EPB41L3: variants seen among roughly 807,000 people sequenced by gnomAD.
The protein encoded by EPB41L3 is band 4.1-like protein 3.
In EPB41L3, 57 loss-of-function variants were observed where a neutral mutation model predicts 127.1. The observed-to-expected ratio is 0.45, with a 90% CI of 0.36 to 0.56. The LOEUF is 0.56. Among genes scored for constraint, EPB41L3 ranks in the 20% least tolerant of loss-of-function variants. The probability of loss-of-function intolerance (pLI) is 0.00; values close to 1 mark genes in which losing one functional copy is unlikely to be tolerated. For missense variants in EPB41L3, 1,273 were observed against 1,372.2 expected, an observed-to-expected ratio of 0.93 and a Z score of 1.14; for synonymous variants, 572 against 549.5, an observed-to-expected ratio of 1.04 and a Z score of -0.57.
intron 3 of EPB41L3, among the ~76,000 whole-genome samples, chr18:5,559,659 A>C (rs2094095244): frequency 6.6e-6 from 1 of 152,228 alleles, no homozygotes; most frequent in South Asian, 2.1e-4. Flanking sequence ...GATGTTTTTT[A>C]TAAACTCATG....
chr18:5,554,949 G>A (rs909483948), intron 3 of EPB41L3, among the ~76,000 whole-genome samples: 6 of 152,154 alleles, frequency 3.9e-5, no homozygotes, highest in Admixed American at 6.5e-5. Context: ...ATACTTTTAC[G>A]GGGCTGTTGG....
At chr18:5,436,166 C>T (rs1192448627) in intron 6 of EPB41L3, among the ~76,000 whole-genome samples, 2 of 152,098 alleles carry the variant, frequency 1.3e-5, no homozygotes, top group African/African-American at 2.4e-5. Flanking sequence ...ATCCCAAGCA[C>T]AGCCTAGTAT....
rs532461876 is a variant in EPB41L3, at chr18:5,496,684, G to A, written c.-11-7490C>T. ...TAAGATTTCGTTTTGCTATTTTAAA[G>A]GAAAGTGTACATTCAGCAGTGACAT... On this transcript the variant is annotated intron_variant, in intron 1 of 22. Coordinates refer to ENST00000341928, the MANE Select transcript of EPB41L3 (RefSeq NM_012307.5). 9.8e-5 allele frequency among the ~76,000 whole-genome samples: 15 copies of A among 152,346 alleles called. No homozygotes were observed. The East Asian group carries it at 2.7e-3, about 27-fold the overall frequency.
At chr18:5,402,254 A>C (rs116150009) in intron 16 of EPB41L3, among the ~76,000 whole-genome samples, 2,947 of 150,686 alleles carry the variant, frequency 0.02, 99 homozygotes, top group African/African-American at 0.067. Context: ...TACCATGTGG[A>C]ATCATTAAAT....
chr18:5,615,375 A>T (rs892836228), intron 1 of EPB41L3, among the ~76,000 whole-genome samples: 10 of 151,894 alleles, frequency 6.6e-5, no homozygotes, highest in Non-Finnish European at 1.2e-4. Context: ...CTTTATTTTA[A>T]TTTTTAATTT....
intron 3 of EPB41L3, among the ~76,000 whole-genome samples, chr18:5,566,513 T>C (rs539675108): frequency 1.7e-3 from 252 of 152,274 alleles, no homozygotes; most frequent in African/African-American, 5.9e-3. Context: ...GAAGAATTAA[T>C]ACCGTGAAAA....
At chr18:5,395,279 T>G in intron 20 of EPB41L3, 132 bp from the exon 21 acceptor site, 1 of 817,538 alleles carries the variant, frequency 1.2e-6, no homozygotes. Flanking sequence ...CTATGGCACT[T>G]ATTTCACATT....
At chr18:5,487,478 T>G (rs1318695467) in intron 2 of EPB41L3, among the ~76,000 whole-genome samples, 1 of 151,302 alleles carries the variant, frequency 6.6e-6, no homozygotes, top group Non-Finnish European at 1.5e-5. Context: ...AAGTTTTATT[T>G]GTATATTTTA....
chr18:5,528,925 G>A (rs2093324660), intron 1 of EPB41L3: 1 of 152,090 alleles, frequency 6.6e-6, no homozygotes, highest in East Asian at 1.9e-4. Flanking sequence ...ATTAACCATT[G>A]GATTGAACTG....
chr18:5,435,434 TTTATA>T (rs1003134766), intron 6 of EPB41L3, among the ~76,000 whole-genome samples: 3 of 152,120 alleles, frequency 2.0e-5, no homozygotes, highest in Non-Finnish European at 2.9e-5. Flanking sequence ...AGAAAAATCT[TTTATA>T]TTATATTTTT....
chr18:5,607,994 G>A (rs2094681097), intron 3 of EPB41L3, among the ~76,000 whole-genome samples: 1 of 152,114 alleles, frequency 6.6e-6, no homozygotes, highest in Non-Finnish European at 1.5e-5. Flanking sequence ...TCAGACTCCT[G>A]GATGAAAAAC....
intron 3 of EPB41L3, among the ~76,000 whole-genome samples, chr18:5,558,671 G>A (rs2094076401): frequency 6.6e-6 from 1 of 152,172 alleles, no homozygotes. Context: ...AGGCCTCAGT[G>A]TCTTCACTGC....
rs564153601 is a variant in EPB41L3 at position 5,474,157 on chromosome 18, G to C, written c.381+4084C>G. On this transcript the variant is annotated intron_variant, in intron 3 of 22. Coordinates refer to ENST00000341928, the MANE Select transcript of EPB41L3 (RefSeq NM_012307.5). ...GAGGCAGGAGAATGGCGTGAACATG[G>C]GAGGCGGAGCTTGCAGTGAGCCGAG... 2.7e-3 allele frequency among the ~76,000 whole-genome samples: 416 copies of C among 152,090 alleles called. 1 individual carries two copies. Among genetic ancestry groups the C allele is most frequent in the African/African-American group, 9.4e-3 (388 of 41,492 alleles).
chr18:5,394,701 T>C lies in EPB41L3; in HGVS notation c.3246A>G (p.Pro1082=). The C allele has an allele frequency of 6.2e-7, 1 of 1,614,124 alleles. No homozygotes were observed. The highest frequency in any genetic ancestry group is 8.5e-7 in the Non-Finnish European group (1 of 1,179,964). ...VVVHKETEIT[P]EDGED is the part of the protein sequence containing the mutation. ...CCTCTGGTCAATCCTCTCCATCTTCTGGTGTGATCTCTGTCTCTTTATGGA... is the reference window on the plus strand; with the variant it reads ...CCTCTGGTCAATCCTCTCCATCTTCCGGTGTGATCTCTGTCTCTTTATGGA... The change falls in exon 22 of 23, where the codon CCA becomes CCG. Residue 1082 remains proline, a synonymous_variant. Transcript: ENST00000341928.
chr18:5,555,192 G>A (rs373872414), intron 3 of EPB41L3, among the ~76,000 whole-genome samples: 49 of 152,188 alleles, frequency 3.2e-4, no homozygotes, highest in South Asian at 1.5e-3. Flanking sequence ...TTCCTTCATC[G>A]ATCTCCTTAT....
intron 1 of EPB41L3, among the ~76,000 whole-genome samples, chr18:5,540,162 A>G (rs2149035919): frequency 6.6e-6 from 1 of 152,322 alleles, no homozygotes; most frequent in Non-Finnish European, 1.5e-5. Context: ...CTTGTTCTTT[A>G]ATTTTGTAAA....
chr18:5,493,643 T>C (rs993391477), intron 1 of EPB41L3, among the ~76,000 whole-genome samples: 1 of 152,146 alleles, frequency 6.6e-6, no homozygotes, highest in Admixed American at 6.5e-5. Context: ...CAACCTGCTG[T>C]TGGTCTCACT....
chr18:5,590,315 G>A (rs567059383), intron 3 of EPB41L3, among the ~76,000 whole-genome samples: 8 of 152,226 alleles, frequency 5.3e-5, no homozygotes, highest in African/African-American at 1.9e-4. Context: ...AGTACCAAGG[G>A]TCTGTTCCTT....
chr18:5,434,164 G>A (rs758917390), intron 6 of EPB41L3, 43 bp from the exon 7 acceptor site: 5 of 1,547,252 alleles, frequency 3.2e-6, no homozygotes, highest in Non-Finnish European at 4.5e-6. Context: ...GCAGCATGAG[G>A]ATACAGGAAA....
Sources: allele counts gnomAD v4.1 joint callset (sites outside exome capture counted in the v4.1 genomes callset), GRCh38; gene constraint gnomAD v4.1.1; transcripts MANE v1.5; gene names NCBI Gene and HGNC (gene_info 2026-07-23, HGNC 2026-07-21).